SFMBT2: variants seen among roughly 807,000 people sequenced by gnomAD.
The protein encoded by SFMBT2 is scm-like with four MBT domains protein 2.
A neutral mutation model predicts 110.1 loss-of-function variants in SFMBT2; 38 were observed. The ratio of observed to expected loss-of-function variants is 0.35; its 90% CI spans 0.27 to 0.45. SFMBT2 has a LOEUF of 0.45. Ranked by LOEUF, SFMBT2 falls within the 20% of genes least tolerant of loss-of-function variation. The probability of loss-of-function intolerance (pLI) is 1.00; values close to 1 mark genes in which losing one functional copy is unlikely to be tolerated. For missense variants in SFMBT2, 1,011 were observed against 1,094.9 expected (o/e 0.92, Z 1.08); for synonymous variants, 425 against 425.4 (o/e 1.00, Z 0.01).
chr10:7,223,139 G>C (rs1464541350), intron 10 of SFMBT2, among the ~76,000 whole-genome samples: 1 of 152,176 alleles, frequency 6.6e-6, no homozygotes, highest in Non-Finnish European at 1.5e-5. Flanking sequence ...CATTAAGTTT[G>C]CCTGTTTTTA....
chr10:7,209,581 G>C (rs7101090), intron 11 of SFMBT2, among the ~76,000 whole-genome samples: 58,612 of 152,166 alleles, frequency 0.39, 12,583 homozygotes, highest in East Asian at 0.88. Context: ...CAGATGTACA[G>C]ATCTCCAAGA....
chr10:7,310,308 C>CA (rs1359475554), intron 4 of SFMBT2, among the ~76,000 whole-genome samples: 1 of 152,218 alleles, frequency 6.6e-6, no homozygotes, highest in Non-Finnish European at 1.5e-5. Context: ...CAAAACCGGG[C>CA]ATGAATGCCA....
intron 1 of SFMBT2, among the ~76,000 whole-genome samples, chr10:7,390,709 G>T (rs1356868209): frequency 6.6e-6 from 1 of 152,180 alleles, no homozygotes; most frequent in African/African-American, 2.4e-5. Flanking sequence ...GTTTGCTCAA[G>T]TCTTATGACT....
Position 7,283,910 on chromosome 10 carries a change from G to A in SFMBT2, c.766C>T (p.Pro256Ser), listed in dbSNP as rs987613755. 1.9e-6 allele frequency: 3 copies of A among 1,588,856 alleles called. No homozygotes were observed. Among genetic ancestry groups the A allele is most frequent in the East Asian group, 2.2e-5 (1 of 44,754 alleles). ...CAAAAGCTTTGGCCCTTACCTGAAG[G>A]TGGGTCCATTCTGTATTTATTCTCT... ...CQENKYRMDP[P>S]SEIYPLKMAS... The change falls in exon 6 of 21, where the codon CCT (proline) becomes TCT (serine). Residue 256 changes from proline to serine, a missense_variant. By Grantham distance (74) the Pro-to-Ser change is moderately conservative (BLOSUM62 -1). Transcript: ENST00000397167.
chr10:7,188,738 T>TG lies in SFMBT2; in HGVS notation c.1699-6dup, dbSNP rs1055330052. 1.2e-6 allele frequency: 2 copies of TG among 1,607,196 alleles called. No individual in the cohort carries two copies. Among genetic ancestry groups the TG allele is most frequent in the African/African-American group, 1.3e-5 (1 of 74,588 alleles). ...GTTGATTATCATGCTAAGAACCTTT[T>TG]GGGGAAAAAAATAAGCAGACTGAGC... On this transcript the variant is annotated splice_region_variant and splice_polypyrimidine_tract_variant and intron_variant, in intron 15 of 20. Coordinates refer to ENST00000397167, the MANE Select transcript of SFMBT2 (RefSeq NM_001387889.1).
chr10:7,329,317 T>C (rs769873733), intron 4 of SFMBT2, among the ~76,000 whole-genome samples: 2 of 152,220 alleles, frequency 1.3e-5, no homozygotes, highest in South Asian at 4.1e-4. Context: ...GAGCCTCTGT[T>C]CTGGCTCTAG....
intron 15 of SFMBT2, among the ~76,000 whole-genome samples, chr10:7,196,863 G>A (rs1247324352): frequency 6.6e-6 from 1 of 152,182 alleles, no homozygotes; most frequent in African/African-American, 2.4e-5. Flanking sequence ...AGCACTGTCT[G>A]AGGCTATGCT....
chr10:7,172,184 G>A lies in SFMBT2; in HGVS notation c.2152-26C>T, dbSNP rs1293500613. On this transcript the variant is annotated intron_variant, in intron 18 of 20. Transcript: ENST00000397167. This position sits in a 1 kb window ranked among gnomAD's most constrained non-coding sequence, Gnocchi z 4.6. The stretch of plus-strand genomic sequence containing the variant: ...CTGGGAAGGAGGAAAAGGCATTTAA[G>A]GGGCTGGTGGCCCGGGGGCCTGTAG... The A allele has an allele frequency of 6.6e-7, 1 of 1,526,352 alleles. No individual in the cohort carries two copies. Among genetic ancestry groups the A allele is most frequent in the South Asian group, 1.3e-5 (1 of 77,814 alleles). The allele number at this position is 1,526,352 out of a possible 1,614,324, so 94.6% of individuals were successfully genotyped here.
At position 7,170,068 on chromosome 10, in the gene SFMBT2, T is replaced by A. The variant is rs1837825735; in HGVS notation, c.2544+860A>T. ...AGGTGGATACACTGTTCCCTCCTTCTCCCACTAGGCCTAAGTAAGATCCAT... is the reference window on the plus strand; with the variant it reads ...AGGTGGATACACTGTTCCCTCCTTCACCCACTAGGCCTAAGTAAGATCCAT... On this transcript the variant is annotated intron_variant, in intron 20 of 20. Transcript: ENST00000397167. The surrounding 1 kb of genome is among the most constrained non-coding windows in gnomAD (Gnocchi z 4.6). 1.3e-5 allele frequency among the ~76,000 whole-genome samples: 2 copies of A among 152,134 alleles called. No individual in the cohort carries two copies. Among genetic ancestry groups the A allele is most frequent in the African/African-American group, 4.8e-5 (2 of 41,428 alleles).
chr10:7,384,251 G>C (rs962520966), intron 1 of SFMBT2, among the ~76,000 whole-genome samples: 2 of 100,004 alleles, frequency 2.0e-5, no homozygotes, highest in African/African-American at 8.1e-5. Context: ...ACCACAGAAA[G>C]GACAAATAAG....
At chr10:7,185,300 A>G (rs902201279) in intron 16 of SFMBT2, among the ~76,000 whole-genome samples, 1 of 152,244 alleles carries the variant, frequency 6.6e-6, no homozygotes, top group African/African-American at 2.4e-5. Flanking sequence ...AACTACATAC[A>G]CTTGCGCAAG....
At chr10:7,397,935 G>A (rs1383751908) in intron 1 of SFMBT2, among the ~76,000 whole-genome samples, 2 of 152,180 alleles carry the variant, frequency 1.3e-5, no homozygotes, top group East Asian at 1.9e-4. Context: ...CAAGTGAGAC[G>A]AGCTGATTGT....
At chr10:7,362,998 C>G (rs1014763719) in intron 4 of SFMBT2, among the ~76,000 whole-genome samples, 2 of 152,218 alleles carry the variant, frequency 1.3e-5, no homozygotes, top group African/African-American at 4.8e-5. Context: ...GGTCACAAAC[C>G]TAGACATTTC....
chr10:7,280,007 T>A (rs1841904521), intron 6 of SFMBT2, among the ~76,000 whole-genome samples: 1 of 152,206 alleles, frequency 6.6e-6, no homozygotes, highest in Non-Finnish European at 1.5e-5. Context: ...GGGATGCCTT[T>A]GGGAGATGAT....
At chr10:7,203,521 G>T in intron 12 of SFMBT2, 1 of 221,916 alleles carries the variant, frequency 4.5e-6, no homozygotes, top group South Asian at 1.6e-4. Context: ...ACCTGTATAT[G>T]ATTGTGCTCC....
At chr10:7,278,989 T>TACTC (rs1283168910) in intron 6 of SFMBT2, among the ~76,000 whole-genome samples, 4 of 151,582 alleles carry the variant, frequency 2.6e-5, no homozygotes, top group African/African-American at 9.7e-5. Flanking sequence ...TAATACCAGC[T>TACTC]ACTCGGGAGG....
intron 9 of SFMBT2, among the ~76,000 whole-genome samples, chr10:7,230,121 G>T (rs1447220302): frequency 6.6e-6 from 1 of 151,980 alleles, no homozygotes; most frequent in Non-Finnish European, 1.5e-5. Flanking sequence ...CCCATATCCT[G>T]CTGACCATCA....
At chr10:7,189,570 T>C (rs575600199) in intron 15 of SFMBT2, among the ~76,000 whole-genome samples, 2 of 152,380 alleles carry the variant, frequency 1.3e-5, no homozygotes, top group Non-Finnish European at 1.5e-5. Context: ...ATTCCTGGGC[T>C]GCTGCTGTTT....
intron 4 of SFMBT2, among the ~76,000 whole-genome samples, chr10:7,319,948 GAGAGAGACAGAGAGAGATGAAGAC>G (rs2131930242): frequency 6.6e-6 from 1 of 151,092 alleles, no homozygotes; most frequent in South Asian, 2.1e-4. Context: ...CACAGAGACT[GAGAGAGACAGAGAGAGATGAAGAC>G]AGAGAGACAC....
Sources: gnomAD v4.1 joint callset for allele counts (sites outside exome capture counted in the v4.1 genomes callset) on GRCh38, gnomAD v4.1.1 for gene constraint, Gnocchi (gnomAD v3.1) non-coding constraint, MANE v1.5 for transcripts, NCBI Gene and HGNC (gene_info 2026-07-23, HGNC 2026-07-21) for gene names.